The following CR1 variants were observed in gnomAD, a reference collection of about 807,000 sequenced individuals.
The protein encoded by CR1 is complement C3b/C4b receptor 1 (Knops blood group).
A neutral mutation model predicts 187.3 loss-of-function variants in CR1; 116 were observed. The observed-to-expected ratio is 0.62, with a 90% CI of 0.53 to 0.72. The LOEUF (loss-of-function observed/expected upper bound fraction) is 0.72. Ranked by LOEUF, CR1 falls within the 30% of genes least tolerant of loss-of-function variation. The pLI, the probability that CR1 is intolerant of heterozygous loss-of-function variation, is 0.00. For missense variants in CR1, 1,731 were observed against 2,110.7 expected, an observed-to-expected ratio of 0.82 and a Z score of 3.52; for synonymous variants, 576 against 747.1, an observed-to-expected ratio of 0.77 and a Z score of 3.73.
intron 36 of CR1, among the ~76,000 whole-genome samples, chr1:207,608,721 A>G (rs1239261712): frequency 6.6e-6 from 1 of 152,206 alleles, no homozygotes; most frequent in African/African-American, 2.4e-5. Flanking sequence ...CTACATTTAT[A>G]GGTCAGTGAT....
intron 4 of CR1, among the ~76,000 whole-genome samples, chr1:207,518,563 C>T (rs1223090594): frequency 6.6e-6 from 1 of 152,180 alleles, no homozygotes; most frequent in Non-Finnish European, 1.5e-5. Flanking sequence ...GGCCAGAAAT[C>T]CAGTTAAGAT....
intron 35 of CR1, among the ~76,000 whole-genome samples, chr1:207,594,170 AC>A (rs1165718223): frequency 6.6e-6 from 1 of 152,214 alleles, no homozygotes; most frequent in African/African-American, 2.4e-5. Flanking sequence ...TTATTGCAGC[AC>A]TGTTCACAAT....
intron 19 of CR1, among the ~76,000 whole-genome samples, chr1:207,556,678 T>TATATA (rs1660356446): frequency 1.6e-5 from 1 of 64,328 alleles, no homozygotes; most frequent in East Asian, 7.1e-4. Context: ...TATATATATA[T>TATATA]ATCACAATGA....
intron 31 of CR1, among the ~76,000 whole-genome samples, 198 bp from the exon 32 acceptor site, chr1:207,581,720 G>C (rs2102345445): frequency 6.6e-6 from 1 of 152,228 alleles, no homozygotes; most frequent in Admixed American, 6.5e-5. Context: ...CTCACTGAAA[G>C]CTACACTTTT....
At chr1:207,513,733 T>TGCC (rs1393176636) in intron 4 of CR1, among the ~76,000 whole-genome samples, 1 of 68,098 alleles carries the variant, frequency 1.5e-5, no homozygotes, top group Admixed American at 1.4e-4. Flanking sequence ...CCTCCCTCCT[T>TGCC]TCCTCCCTCC....
intron 43 of CR1, among the ~76,000 whole-genome samples, chr1:207,621,110 C>T (rs1375267697): frequency 1.3e-5 from 2 of 151,974 alleles, no homozygotes; most frequent in African/African-American, 4.8e-5. Flanking sequence ...CCCATCTGTA[C>T]TAAAAAATAA....
chr1:207,510,536 C>T (rs1452263309), intron 3 of CR1, among the ~76,000 whole-genome samples: 1 of 152,190 alleles, frequency 6.6e-6, no homozygotes, highest in Non-Finnish European at 1.5e-5. Context: ...TTTCACCCAA[C>T]CATCTATCAC....
chr1:207,505,877 T>A, intron 1 of CR1, 27 bp from the exon 2 acceptor site: 1 of 1,580,624 alleles, frequency 6.3e-7, no homozygotes, highest in Non-Finnish European at 8.6e-7. Flanking sequence ...CCATTAACTT[T>A]GATGCTTCTA....
At chr1:207,617,486 T>TAC (rs1662143668) in intron 41 of CR1, among the ~76,000 whole-genome samples, 1 of 40,960 alleles carries the variant, frequency 2.4e-5, no homozygotes, top group Non-Finnish European at 5.2e-5. Flanking sequence ...ACTTAAAGTA[T>TAC]ATATATATAT....
intron 5 of CR1, among the ~76,000 whole-genome samples, chr1:207,525,882 T>G (rs562685013): frequency 3.9e-5 from 6 of 152,170 alleles, no homozygotes; most frequent in African/African-American, 9.7e-5. Flanking sequence ...CATTTTTCTA[T>G]TCCAATCCCC....
chr1:207,612,017 A>C lies in CR1; in HGVS notation c.6551A>C (p.Lys2184Thr). 1.9e-6 allele frequency: 3 copies of C among 1,613,978 alleles called. No homozygotes were observed. Among genetic ancestry groups the C allele is most frequent in the Non-Finnish European group, 2.5e-6 (3 of 1,179,890 alleles). ...CCACTTAATCTCCAGCTTGGGGCAA[A>C]GGTGTCCTTTGTTTGCGATGAAGGG... The part of the protein sequence containing the change: ...LLPLNLQLGA[K>T]VSFVCDEGFR... Residue 2184 changes from lysine to threonine, a missense_variant, in exon 39 of 47, where the codon AAG becomes ACG. By Grantham distance (78) the Lys-to-Thr change is moderately conservative (BLOSUM62 -1). Coordinates refer to ENST00000367049, the MANE Select transcript of CR1 (RefSeq NM_000651.6).
At chr1:207,621,396 C>T (rs1283229110) in intron 43 of CR1, among the ~76,000 whole-genome samples, 1 of 152,178 alleles carries the variant, frequency 6.6e-6, no homozygotes, top group East Asian at 1.9e-4. Flanking sequence ...TGCAAAAACT[C>T]TTATGAAAAA....
intron 35 of CR1, among the ~76,000 whole-genome samples, chr1:207,593,417 G>A (rs924523807): frequency 2.6e-5 from 4 of 152,212 alleles, no homozygotes; most frequent in African/African-American, 9.6e-5. Context: ...GCAGAAAACT[G>A]AAGCTGGACC....
intron 45 of CR1, among the ~76,000 whole-genome samples, chr1:207,624,158 TC>T (rs952801249): frequency 5.3e-4 from 80 of 152,090 alleles, no homozygotes; most frequent in African/African-American, 1.9e-3. Flanking sequence ...ATTCCTGACC[TC>T]AAGTGATCCA....
At chr1:207,574,394 T>C (rs933395902) in intron 27 of CR1, among the ~76,000 whole-genome samples, 2 of 152,198 alleles carry the variant, frequency 1.3e-5, no homozygotes, top group Non-Finnish European at 2.9e-5. Flanking sequence ...TGAGCCAAGC[T>C]AATATTCACA....
chr1:207,501,811 G>A (rs780831199), intron 1 of CR1, among the ~76,000 whole-genome samples: 1 of 152,028 alleles, frequency 6.6e-6, no homozygotes, highest in Non-Finnish European at 1.5e-5. Context: ...TCCTTTGTCC[G>A]GCATCAATGG....
chr1:207,518,226 C>T (rs1659863981), intron 4 of CR1, among the ~76,000 whole-genome samples: 1 of 152,054 alleles, frequency 6.6e-6, no homozygotes, highest in South Asian at 2.1e-4. Flanking sequence ...AAGGGCATTG[C>T]TTAATTTCTA....
rs1399008596 is a variant in CR1 at position 207,639,879 on chromosome 1, T to C, written c.*470T>C. 1 of 153,354 alleles carries C rather than the reference T, an allele frequency of 6.5e-6. No homozygotes were observed. Among genetic ancestry groups the C allele is most frequent in the Non-Finnish European group, 1.5e-5 (1 of 68,834 alleles). The allele number at this position is 153,354 out of a possible 1,614,324, so 9.5% of individuals were successfully genotyped here. On this transcript the variant is annotated 3_prime_UTR_variant, in exon 47 of 47. Coordinates refer to ENST00000367049, the MANE Select transcript of CR1 (RefSeq NM_000651.6). ...TAACCACTCCTAATATTTTGATTCATTTTCTGCCTATCTTCTTTCACATAT... is the reference window on the plus strand; with the variant it reads ...TAACCACTCCTAATATTTTGATTCACTTTCTGCCTATCTTCTTTCACATAT...
At chr1:207,504,136 C>G (rs779612524) in intron 1 of CR1, among the ~76,000 whole-genome samples, 1 of 152,184 alleles carries the variant, frequency 6.6e-6, no homozygotes, top group Non-Finnish European at 1.5e-5. Context: ...TTCTAATTGA[C>G]AGCTGTCAGG....
Sources: allele counts gnomAD v4.1 joint callset (sites outside exome capture counted in the v4.1 genomes callset), GRCh38; gene constraint gnomAD v4.1.1; transcripts MANE v1.5; gene names NCBI Gene and HGNC (gene_info 2026-07-23, HGNC 2026-07-21).